TCF4: variants seen among roughly 807,000 people sequenced by gnomAD.
TCF4 encodes the protein transcription factor 4, also known as SL3-3 enhancer factor 2.
TCF4 carries 3 observed loss-of-function variants against 82.1 expected under a neutral mutation model. The ratio of observed to expected loss-of-function variants is 0.04; its 90% CI spans 0.02 to 0.09. TCF4 has a LOEUF of 0.09. TCF4 is among the 10% of genes least tolerant of loss of function. The pLI is 1.00. For synonymous variants in TCF4, 276 were observed against 309.6 expected, an observed-to-expected ratio of 0.89 and a Z score of 1.14; for missense variants, 518 against 852.7, an observed-to-expected ratio of 0.61 and a Z score of 4.89.
chr18:55,538,137 G>A (rs2097135428), intron 3 of TCF4, among the ~76,000 whole-genome samples: 1 of 151,818 alleles, frequency 6.6e-6, no homozygotes, highest in Admixed American at 6.6e-5. Flanking sequence ...TAGCTCATTT[G>A]ATTTGCATTA....
chr18:55,456,359 T>C (rs1199646717), intron 5 of TCF4, among the ~76,000 whole-genome samples: 2 of 152,134 alleles, frequency 1.3e-5, no homozygotes, highest in Non-Finnish European at 2.9e-5. Flanking sequence ...GAGAGTACCA[T>C]GAGTAGGACT....
At chr18:55,555,887 T>C (rs2097299454) in intron 3 of TCF4, among the ~76,000 whole-genome samples, 1 of 152,212 alleles carries the variant, frequency 6.6e-6, no homozygotes, top group Non-Finnish European at 1.5e-5. Flanking sequence ...ACCAAATACA[T>C]CTATTTAGTC....
At chr18:55,296,561 C>T (rs1383361942) in intron 8 of TCF4, among the ~76,000 whole-genome samples, 1 of 152,114 alleles carries the variant, frequency 6.6e-6, no homozygotes, top group Non-Finnish European at 1.5e-5. Flanking sequence ...GTTTTACCTG[C>T]AGTGGTTTTT....
chr18:55,400,896 C>T, intron 6 of TCF4: 1 of 1,188,630 alleles, frequency 8.4e-7, no homozygotes, highest in Non-Finnish European at 1.1e-6. Context: ...GATAAAGCAG[C>T]TTTTGGAGCT....
chr18:55,296,808 A>G (rs549358888), intron 8 of TCF4, among the ~76,000 whole-genome samples: 4 of 152,180 alleles, frequency 2.6e-5, no homozygotes, highest in Non-Finnish European at 5.9e-5. Flanking sequence ...GAAAAAATTT[A>G]AACTGCATAT....
In TCF4 at chr18:55,260,104, C is replaced by T. The variant is rs1028390269; in HGVS notation, c.991-77G>A. On this transcript the variant is annotated intron_variant, in intron 12 of 19. Coordinates refer to ENST00000354452, the MANE Select transcript of TCF4 (RefSeq NM_001083962.2). ...ACACTTTTCTAAACTACGAAGTTGT[C>T]AACGCAATTCATTTAGAACTTACAA... 1.9e-5 allele frequency: 21 copies of T among 1,090,182 alleles called. 1 individual carries two copies. The South Asian group carries it at 2.6e-4, about 13-fold the overall frequency. 67.5% of individuals were successfully genotyped at this position (1,090,182 alleles called of 1,614,324 possible).
intron 3 of TCF4, among the ~76,000 whole-genome samples, chr18:55,507,228 T>C (rs999822264): frequency 6.6e-6 from 1 of 152,214 alleles, no homozygotes; most frequent in Non-Finnish European, 1.5e-5. Context: ...TCTTTTGGCA[T>C]ATCTGAATTG....
intron 17 of TCF4, chr18:55,231,632 G>A (rs1294687838): frequency 6.6e-6 from 1 of 152,200 alleles, no homozygotes; most frequent in African/African-American, 2.4e-5. Flanking sequence ...AAGTGGCCAA[G>A]AATCAGAAAA....
intron 2 of TCF4, among the ~76,000 whole-genome samples, chr18:55,600,052 T>G (rs1014758111): frequency 3.3e-5 from 5 of 149,344 alleles, no homozygotes; most frequent in Admixed American, 1.3e-4. Context: ...GAGAAGGCTG[T>G]TTTTTTTTAT....
intron 6 of TCF4, among the ~76,000 whole-genome samples, chr18:55,377,598 A>C (rs545715210): frequency 6.6e-6 from 1 of 152,366 alleles, no homozygotes; most frequent in African/African-American, 2.4e-5. Flanking sequence ...AAGCTTAATG[A>C]AGCACCATAG....
chr18:55,560,500 C>T (rs958166358), intron 3 of TCF4, among the ~76,000 whole-genome samples: 2 of 152,160 alleles, frequency 1.3e-5, no homozygotes, highest in South Asian at 2.1e-4. Context: ...AAATTCTATC[C>T]GAAGCCACGT....
chr18:55,465,272 T>C (rs1214216397), intron 3 of TCF4, among the ~76,000 whole-genome samples: 1 of 152,180 alleles, frequency 6.6e-6, no homozygotes, highest in Non-Finnish European at 1.5e-5. Context: ...CCTTTTATTA[T>C]TACTGCTATT....
chr18:55,298,900 T>C (rs2146867414), intron 8 of TCF4, among the ~76,000 whole-genome samples: 1 of 152,302 alleles, frequency 6.6e-6, no homozygotes, highest in African/African-American at 2.4e-5. Context: ...AAGATATACA[T>C]TCAGTAACCA....
At chr18:55,419,158 T>C (rs1388177302) in intron 5 of TCF4, among the ~76,000 whole-genome samples, 1 of 152,222 alleles carries the variant, frequency 6.6e-6, no homozygotes, top group Non-Finnish European at 1.5e-5. Context: ...CACTGAGTTT[T>C]ACACATACTG....
intron 6 of TCF4, among the ~76,000 whole-genome samples, chr18:55,367,999 C>T (rs1051681550): frequency 6.6e-6 from 1 of 152,220 alleles, no homozygotes; most frequent in Non-Finnish European, 1.5e-5. Context: ...CATGAACTCA[C>T]TGAACAATCT....
intron 2 of TCF4, among the ~76,000 whole-genome samples, chr18:55,603,287 G>A (rs1482111192): frequency 2.6e-5 from 4 of 152,078 alleles, no homozygotes; most frequent in Admixed American, 2.0e-4. Flanking sequence ...ATTGCCAAAC[G>A]TCCCTCAGTA....
intron 5 of TCF4, among the ~76,000 whole-genome samples, chr18:55,406,638 A>C (rs1313569206): frequency 7.2e-5 from 11 of 152,174 alleles, no homozygotes; most frequent in African/African-American, 2.7e-4. Context: ...GCTCTTAAAT[A>C]TCTGTGTTTA....
chr18:55,259,816 T>G lies in TCF4; in HGVS notation c.1069+133A>C, dbSNP rs770823236. On this transcript the variant is annotated intron_variant, in intron 13 of 19. Transcript: ENST00000354452. The stretch of plus-strand genomic sequence containing the variant: ...AATTTGTCTCTCCCACCCTTTGTAT[T>G]TGTCTGTTATAGGAATGTTAAAGCT... 5.2e-6 allele frequency: 4 copies of G among 761,966 alleles called. No homozygotes were observed. The East Asian group carries it at 1.0e-4, about 19-fold the overall frequency. The allele number at this position is 761,966 out of a possible 1,614,324, so 47.2% of individuals were successfully genotyped here. A position where few individuals can be genotyped will look rare whatever the true frequency, so the allele number is the denominator to read the frequency against.
chr18:55,321,238 T>A (rs2075414903), intron 8 of TCF4: 1 of 214,834 alleles, frequency 4.7e-6, no homozygotes, highest in South Asian at 7.3e-5. Flanking sequence ...AAAACCTCAA[T>A]CCAGGGAGAA....
Sources: allele counts gnomAD v4.1 joint callset (sites outside exome capture counted in the v4.1 genomes callset), GRCh38; gene constraint gnomAD v4.1.1; transcripts MANE v1.5; gene names NCBI Gene and HGNC (gene_info 2026-07-23, HGNC 2026-07-21).